Variants in PTPRE observed in about 807,000 individuals in gnomAD.
PTPRE encodes the protein protein tyrosine phosphatase receptor type E.
A neutral mutation model predicts 102.0 loss-of-function variants in PTPRE; 51 were observed. The observed-to-expected ratio is 0.50, with a 90% CI of 0.40 to 0.63. PTPRE has a LOEUF of 0.63. Ranked by LOEUF, PTPRE falls within the 30% of genes least tolerant of loss-of-function variation. The probability of loss-of-function intolerance (pLI) is 0.00; values close to 1 mark genes in which losing one functional copy is unlikely to be tolerated. For missense variants in PTPRE, 752 were observed against 915.1 expected (o/e 0.82, Z 2.30); for synonymous variants, 345 against 348.2 (o/e 0.99, Z 0.10).
In PTPRE at chr10:128,066,169, C is replaced by T; in HGVS notation, c.818C>T (p.Thr273Ile). 2 of 1,614,220 alleles carry T rather than the reference C, an allele frequency of 1.2e-6. No homozygotes were observed. Among genetic ancestry groups the T allele is most frequent in the Non-Finnish European group, 1.7e-6 (2 of 1,180,036 alleles). ...GACTGCGTGGTTTTGGTCGACTACACCATCCGGAAGTTCTGCATACAGCCA... is the reference window on the plus strand; with the variant it reads ...GACTGCGTGGTTTTGGTCGACTACATCATCCGGAAGTTCTGCATACAGCCA... ...VEDCVVLVDYTIRKFCIQPQL... is the reference protein window; with the variant it reads ...VEDCVVLVDYIIRKFCIQPQL... The change falls in exon 11 of 21, where the codon ACC becomes ATC. Residue 273 changes from threonine to isoleucine, a missense_variant. Physicochemically the swap from Thr to Ile is moderately conservative, Grantham distance 89. Coordinates refer to ENST00000254667, the MANE Select transcript of PTPRE (RefSeq NM_006504.6).
In PTPRE at chr10:128,077,617, C is replaced by T. The variant is rs775640252; in HGVS notation, c.1726C>T (p.Pro576Ser). 2 of 1,603,656 alleles carry T rather than the reference C, an allele frequency of 1.2e-6. No homozygotes were observed. The highest frequency in any genetic ancestry group is 1.7e-5 in the Admixed American group (1 of 59,716). The change falls in exon 19 of 21, where the codon CCC becomes TCC. Residue 576 changes from proline to serine, a missense_variant and splice_region_variant. Physicochemically the swap from Pro to Ser is moderately conservative, Grantham distance 74. This residue lies in a region of PTPRE where 636 missense variants were observed against 824.4 expected (regional missense o/e 0.77). Transcript: ENST00000254667. ...IRDFLVTLNQPQARQEEQVRV... is the reference protein window; with the variant it reads ...IRDFLVTLNQSQARQEEQVRV... ...CTGAGACCCCCTCTCCTCCCTGCAG[C>T]CCCAGGCCCGCCAGGAGGAGCAGGT... is the stretch of plus-strand genomic sequence containing the variant.
intron 2 of PTPRE, among the ~76,000 whole-genome samples, chr10:128,014,493 G>T (rs200620457): frequency 2.2e-3 from 335 of 152,152 alleles, no homozygotes; most frequent in African/African-American, 7.9e-3. Flanking sequence ...GCCCTAATTA[G>T]ATATTTACAC....
At chr10:128,022,769 G>A (rs191022335) in intron 2 of PTPRE, among the ~76,000 whole-genome samples, 1,770 of 152,366 alleles carry the variant, frequency 0.012, 19 homozygotes, top group Middle Eastern at 0.034. Context: ...GGGCACAGGG[G>A]CCTGGGAGGG....
intron 1 of PTPRE, among the ~76,000 whole-genome samples, chr10:127,909,605 C>T (rs1194123571): frequency 6.6e-6 from 1 of 152,158 alleles, no homozygotes; most frequent in African/African-American, 2.4e-5. Flanking sequence ...CAGTACTTTC[C>T]CAGTGTTGTC....
intron 6 of PTPRE, among the ~76,000 whole-genome samples, chr10:128,053,734 C>A (rs572561108): frequency 2.6e-5 from 4 of 152,224 alleles, no homozygotes; most frequent in African/African-American, 7.2e-5. Context: ...CTCCAGGGAG[C>A]CTTCTCAATT....
At chr10:128,026,438 C>A (rs1171674879) in intron 2 of PTPRE, among the ~76,000 whole-genome samples, 1 of 152,234 alleles carries the variant, frequency 6.6e-6, no homozygotes, top group African/African-American at 2.4e-5. Context: ...AGATATAGAA[C>A]AACGCCCACT....
rs1055570059 is a variant in PTPRE, at chr10:128,064,687, C to T, written c.724-1388C>T. 2.6e-5 allele frequency among the ~76,000 whole-genome samples: 4 copies of T among 152,234 alleles called. No individual in the cohort carries two copies. The East Asian group carries it at 7.7e-4, about 29-fold the overall frequency. Reference sequence around the variant, plus strand: ...TCACTGGCATTTTCTCTCCATCTTCCCCCACAACCTCCTACTGGATTTTTC... The same window carrying T: ...TCACTGGCATTTTCTCTCCATCTTCTCCCACAACCTCCTACTGGATTTTTC... On this transcript the variant is annotated intron_variant, in intron 10 of 20. Transcript: ENST00000254667.
intron 1 of PTPRE, among the ~76,000 whole-genome samples, chr10:127,954,734 A>T (rs1436040614): frequency 6.6e-6 from 1 of 152,080 alleles, no homozygotes; most frequent in Non-Finnish European, 1.5e-5. Flanking sequence ...AGTGTCCAAC[A>T]TATGATGCTC....
In PTPRE at chr10:128,085,402, A is replaced by G. The variant is rs1180681831; in HGVS notation, c.*2496A>G. 1 of 221,604 alleles carries G rather than the reference A, an allele frequency of 4.5e-6. No individual in the cohort carries two copies. The highest frequency in any genetic ancestry group is 2.2e-5 in the African/African-American group (1 of 44,488). 13.7% of individuals were successfully genotyped at this position (221,604 alleles called of 1,614,324 possible). ...TCCTTTGTTGCATGCAGTTGGGTTCAAATGCCAAATAGTGATTAGAAGACG... is the reference window on the plus strand; with the variant it reads ...TCCTTTGTTGCATGCAGTTGGGTTCGAATGCCAAATAGTGATTAGAAGACG... On this transcript the variant is annotated 3_prime_UTR_variant, in exon 21 of 21. Coordinates refer to ENST00000254667, the MANE Select transcript of PTPRE (RefSeq NM_006504.6).
chr10:127,987,659 G>A (rs2135489737), intron 2 of PTPRE, among the ~76,000 whole-genome samples: 1 of 152,262 alleles, frequency 6.6e-6, no homozygotes, highest in South Asian at 2.1e-4. Context: ...TTGTCTGTTT[G>A]GGCCTGGTGG....
At chr10:127,942,542 A>C (rs1379547556) in intron 1 of PTPRE, among the ~76,000 whole-genome samples, 1 of 152,204 alleles carries the variant, frequency 6.6e-6, no homozygotes, top group African/African-American at 2.4e-5. Flanking sequence ...GTTCCGTCCT[A>C]AAAAGGAAGG....
At position 128,079,839 on chromosome 10, in the gene PTPRE, C is replaced by T. The variant is rs1283969846; in HGVS notation, c.2028+144C>T. On this transcript the variant is annotated intron_variant, in intron 20 of 20. Coordinates refer to ENST00000254667, the MANE Select transcript of PTPRE (RefSeq NM_006504.6). ...AGGAAAAGAGCCAGCTGCAATGTTT[C>T]GCAGTAAACCTCTGCAGAGCCCTCC... is the stretch of plus-strand genomic sequence containing the variant. 14 of 1,137,250 alleles carry T rather than the reference C, an allele frequency of 1.2e-5. No homozygotes were observed. In the East Asian group the frequency reaches 3.3e-4, roughly 27 times the overall value. 70.4% of individuals were successfully genotyped at this position (1,137,250 alleles called of 1,614,324 possible).
chr10:128,055,993 G>A, intron 6 of PTPRE, 130 bp from the exon 7 acceptor site: 1 of 706,326 alleles, frequency 1.4e-6, no homozygotes, highest in Admixed American at 2.3e-5. Flanking sequence ...GTCTGAGGCA[G>A]AGACGGACTA....
chr10:127,975,836 C>T (rs1376335582), intron 1 of PTPRE, among the ~76,000 whole-genome samples: 8 of 152,132 alleles, frequency 5.3e-5, no homozygotes, highest in Non-Finnish European at 7.4e-5. Context: ...GCCTTGTTTT[C>T]GAGGACTGCT....
intron 1 of PTPRE, among the ~76,000 whole-genome samples, chr10:127,924,166 C>G (rs1846834418): frequency 6.6e-6 from 1 of 152,154 alleles, no homozygotes; most frequent in Admixed American, 6.6e-5. Flanking sequence ...GGACAAGTTA[C>G]AGGGTGACAG....
intron 1 of PTPRE, chr10:127,934,650 A>C (rs1822538439): frequency 2.0e-5 from 3 of 152,436 alleles, no homozygotes; most frequent in Admixed American, 1.3e-4. Context: ...ATGGCGAAGG[A>C]GGAGAAGCTC....
chr10:127,948,045 G>A (rs1039085979), intron 1 of PTPRE, among the ~76,000 whole-genome samples: 6 of 152,148 alleles, frequency 3.9e-5, no homozygotes, highest in African/African-American at 1.2e-4. Flanking sequence ...CCAAGGGTTT[G>A]GGTTTTCTCC....
intron 2 of PTPRE, among the ~76,000 whole-genome samples, chr10:128,015,515 C>T (rs1302855783): frequency 3.9e-5 from 6 of 152,196 alleles, no homozygotes; most frequent in East Asian, 3.9e-4. Flanking sequence ...TACAGGCACC[C>T]GCCACCACAC....
intron 2 of PTPRE, among the ~76,000 whole-genome samples, chr10:128,026,686 C>T (rs1846314140): frequency 6.6e-6 from 1 of 152,206 alleles, no homozygotes; most frequent in South Asian, 2.1e-4. Context: ...TAGGCAATTA[C>T]TTTTGTTCAA....
Sources: allele counts gnomAD v4.1 joint callset (sites outside exome capture counted in the v4.1 genomes callset), GRCh38; gene constraint gnomAD v4.1.1; regional missense constraint gnomAD v4.1.1; transcripts MANE v1.5; gene names NCBI Gene and HGNC (gene_info 2026-07-23, HGNC 2026-07-21).